The following NTNG1 variants were observed in gnomAD, a reference collection of about 807,000 sequenced individuals.
NTNG1 encodes the protein netrin G1, also known as netrin-G1.
Under a neutral mutation model 54.0 loss-of-function variants are expected in NTNG1, and 16 were observed. The ratio of observed to expected loss-of-function variants is 0.30; its 90% confidence interval spans 0.20 to 0.45. NTNG1 has a LOEUF of 0.45. Ranked by LOEUF, NTNG1 falls within the 20% of genes least tolerant of loss-of-function variation. The probability of loss-of-function intolerance (pLI) is 1.00; values close to 1 mark genes in which losing one functional copy is unlikely to be tolerated. For synonymous variants in NTNG1, 255 were observed against 263.1 expected, an observed-to-expected ratio of 0.97 and a Z score of 0.30; for missense variants, 530 against 678.7, an observed-to-expected ratio of 0.78 and a Z score of 2.43.
At chr1:107,455,178 C>T (rs1340551556) in intron 7 of NTNG1, among the ~76,000 whole-genome samples, 1 of 152,134 alleles carries the variant, frequency 6.6e-6, no homozygotes, top group East Asian at 1.9e-4. Context: ...ATTCTCCTGC[C>T]TCAGCCTCCC....
intron 7 of NTNG1, among the ~76,000 whole-genome samples, chr1:107,478,628 A>G (rs542414103): frequency 1.3e-5 from 2 of 152,326 alleles, no homozygotes; most frequent in South Asian, 2.1e-4. Context: ...GATGGAACAG[A>G]TATTTCCCTA....
intron 5 of NTNG1, among the ~76,000 whole-genome samples, chr1:107,428,265 C>T (rs1381505081): frequency 1.3e-5 from 2 of 152,124 alleles, no homozygotes; most frequent in Admixed American, 6.6e-5. Flanking sequence ...ATTCAGAGTG[C>T]ACATCCTGTA....
intron 2 of NTNG1, among the ~76,000 whole-genome samples, chr1:107,284,583 AG>A (rs1339209228): frequency 6.6e-6 from 1 of 152,138 alleles, no homozygotes; most frequent in African/African-American, 2.4e-5. Context: ...CACAGGTTGC[AG>A]TAACATGGAA....
chr1:107,173,692 C>CTT (rs918782405), intron 2 of NTNG1, among the ~76,000 whole-genome samples: 8 of 135,984 alleles, frequency 5.9e-5, no homozygotes, highest in African/African-American at 2.2e-4. Context: ...AATTGTAGCT[C>CTT]TTTTTTTTTT....
intron 2 of NTNG1, among the ~76,000 whole-genome samples, chr1:107,256,047 G>A (rs1010529276): frequency 6.6e-6 from 1 of 152,178 alleles, no homozygotes; most frequent in African/African-American, 2.4e-5. Context: ...GTGATTTTAA[G>A]TTAATGAAAC....
intron 6 of NTNG1, among the ~76,000 whole-genome samples, chr1:107,433,932 G>C (rs1364153503): frequency 2.0e-5 from 3 of 152,110 alleles, no homozygotes; most frequent in Admixed American, 6.5e-5. Context: ...GATTCCTAAA[G>C]GGCTTGCGGC....
chr1:107,360,303 A>C (rs986732111), intron 3 of NTNG1, among the ~76,000 whole-genome samples: 1 of 152,138 alleles, frequency 6.6e-6, no homozygotes, highest in Non-Finnish European at 1.5e-5. Flanking sequence ...CACTTTAGGA[A>C]GAGGTGATCT....
At chr1:107,456,365 T>G (rs940200318) in intron 7 of NTNG1, among the ~76,000 whole-genome samples, 4 of 152,192 alleles carry the variant, frequency 2.6e-5, no homozygotes, top group Non-Finnish European at 4.4e-5. Flanking sequence ...ACATTCCTAC[T>G]TTTAATCTTT....
At chr1:107,376,916 G>A (rs968555652) in intron 3 of NTNG1, among the ~76,000 whole-genome samples, 1 of 152,100 alleles carries the variant, frequency 6.6e-6, no homozygotes, top group African/African-American at 2.4e-5. Context: ...CTTCTCAAAT[G>A]AAGATCACTG....
At chr1:107,166,652 C>G (rs946601537) in intron 2 of NTNG1, among the ~76,000 whole-genome samples, 4 of 152,022 alleles carry the variant, frequency 2.6e-5, no homozygotes, top group African/African-American at 9.7e-5. Context: ...TAATTTTGGA[C>G]AAGTCACTTA....
intron 7 of NTNG1, among the ~76,000 whole-genome samples, chr1:107,473,080 C>T (rs1678088271): frequency 6.6e-6 from 1 of 152,152 alleles, no homozygotes; most frequent in African/African-American, 2.4e-5. Context: ...TTTGGAACAT[C>T]TTTCTCTCAG....
intron 2 of NTNG1, among the ~76,000 whole-genome samples, chr1:107,261,634 G>C (rs760228213): frequency 7.9e-5 from 12 of 152,302 alleles, no homozygotes; most frequent in Non-Finnish European, 1.8e-4. Flanking sequence ...ACGAGGCCAG[G>C]AGATCGAGAC....
At chr1:107,418,506 A>G in intron 5 of NTNG1, 1 of 990,396 alleles carries the variant, frequency 1.0e-6, no homozygotes, top group Non-Finnish European at 1.5e-6. Flanking sequence ...GTCTTTATCC[A>G]TATAATTTTC....
chr1:107,455,550 C>T (rs750740282), intron 7 of NTNG1: 1 of 452,068 alleles, frequency 2.2e-6, no homozygotes, highest in Non-Finnish European at 4.6e-6. Flanking sequence ...GTAATAAATG[C>T]CTGACTCGCT....
intron 7 of NTNG1, among the ~76,000 whole-genome samples, chr1:107,476,112 T>C (rs186238221): frequency 8.5e-5 from 13 of 152,354 alleles, no homozygotes; most frequent in Admixed American, 8.5e-4. Flanking sequence ...TGTCACACTT[T>C]TCCAGTTTGT....
chr1:107,351,068 T>C (rs887926615), intron 3 of NTNG1, among the ~76,000 whole-genome samples: 2 of 152,254 alleles, frequency 1.3e-5, no homozygotes, highest in African/African-American at 4.8e-5. Flanking sequence ...TCACAGTGTT[T>C]ATACATGTCA....
intron 2 of NTNG1, among the ~76,000 whole-genome samples, chr1:107,259,330 T>C (rs1343798436): frequency 1.3e-5 from 2 of 152,228 alleles, no homozygotes; most frequent in African/African-American, 2.4e-5. Flanking sequence ...AGTGTGTTCA[T>C]TGGAAAAAGC....
chr1:107,248,243 A>T (rs1557842085), intron 2 of NTNG1, among the ~76,000 whole-genome samples: 1 of 152,128 alleles, frequency 6.6e-6, no homozygotes, highest in Non-Finnish European at 1.5e-5. Context: ...TAACCAGATC[A>T]TTCTGTTTGG....
intron 1 of NTNG1, among the ~76,000 whole-genome samples, chr1:107,142,165 T>C (rs376375439): frequency 1.2e-4 from 18 of 152,342 alleles, no homozygotes; most frequent in African/African-American, 4.3e-4. Context: ...TGTATGGATC[T>C]GTGGATATCT....
Sources: gnomAD v4.1 joint callset for allele counts (sites outside exome capture counted in the v4.1 genomes callset) on GRCh38, gnomAD v4.1.1 for gene constraint, MANE v1.5 for transcripts, NCBI Gene and HGNC (gene_info 2026-07-23, HGNC 2026-07-21) for gene names.